The following ARIH1 variants were observed in gnomAD, a reference collection of about 807,000 sequenced individuals.
ARIH1 encodes E3 ubiquitin-protein ligase ARIH1.
ARIH1 carries 8 observed loss-of-function variants against 85.0 expected under a neutral mutation model. The observed-to-expected ratio is 0.09, with a 90% CI of 0.06 to 0.17. The LOEUF is 0.17. ARIH1 is among the 10% of genes least tolerant of loss of function. The probability of loss-of-function intolerance (pLI) is 1.00; values close to 1 mark genes in which losing one functional copy is unlikely to be tolerated. For synonymous variants in ARIH1, 238 were observed against 253.6 expected (o/e 0.94, Z 0.59); for missense variants, 311 against 718.1 (o/e 0.43, Z 6.48).
At chr15:72,547,993 T>A (rs571601746) in intron 3 of ARIH1, among the ~76,000 whole-genome samples, 123 of 152,370 alleles carry the variant, frequency 8.1e-4, no homozygotes, top group African/African-American at 2.9e-3. Context: ...TTTTGTTTTG[T>A]ACTTGTAACT....
rs1304813523 is a variant in ARIH1 at position 72,590,401 on chromosome 15, C to CT, written c.*7112dup. The CT allele has an allele frequency of 1.3e-5, 2 of 152,336 alleles. No homozygotes were observed. The highest frequency in any genetic ancestry group is 1.9e-4 in the East Asian group (1 of 5,188). 9.4% of individuals were successfully genotyped at this position (152,336 alleles called of 1,614,324 possible). The stretch of plus-strand genomic sequence containing the variant: ...GCTCATCTCTTCAAAACAGATGCCT[C>CT]TTTCGTTGGTGACCTCAGATACACT... On this transcript the variant is annotated 3_prime_UTR_variant, in exon 14 of 14. Transcript: ENST00000379887.
chr15:72,556,386 G>A (rs1307194119), intron 5 of ARIH1, among the ~76,000 whole-genome samples: 1 of 152,186 alleles, frequency 6.6e-6, no homozygotes, highest in Non-Finnish European at 1.5e-5. Flanking sequence ...TCAGTGCATA[G>A]ATTGCCCATA....
intron 7 of ARIH1, among the ~76,000 whole-genome samples, chr15:72,564,040 C>T (rs2064208529): frequency 6.6e-6 from 1 of 152,182 alleles, no homozygotes; most frequent in Admixed American, 6.5e-5. Context: ...ATGTCTTAAT[C>T]AGTTCAGGCT....
chr15:72,503,550 T>C (rs1454503836), intron 1 of ARIH1, among the ~76,000 whole-genome samples: 1 of 152,194 alleles, frequency 6.6e-6, no homozygotes, highest in South Asian at 2.1e-4. Flanking sequence ...ATTCCTCCAT[T>C]CTTTCCCGTA....
rs1230464282 is a variant in ARIH1 at position 72,593,651 on chromosome 15, G to C, written c.*10359G>C. 1 of 152,114 alleles carries C rather than the reference G, an allele frequency of 6.6e-6. No homozygotes were observed. Among genetic ancestry groups the C allele is most frequent in the Admixed American group, 6.6e-5 (1 of 15,264 alleles). The allele number at this position is 152,114 out of a possible 1,614,324, so 9.4% of individuals were successfully genotyped here. A position where few individuals can be genotyped will look rare whatever the true frequency, so the allele number is the denominator to read the frequency against. On this transcript the variant is annotated 3_prime_UTR_variant, in exon 14 of 14. Coordinates refer to ENST00000379887, the MANE Select transcript of ARIH1 (RefSeq NM_005744.5). ...GTGTGTGTGTATTTCTACATTTTCTGTTCTGTTCCATTAATCTATTTGTGT... is the reference window on the plus strand; with the variant it reads ...GTGTGTGTGTATTTCTACATTTTCTCTTCTGTTCCATTAATCTATTTGTGT...
chr15:72,596,583 A>G lies in ARIH1; in HGVS notation c.*13291A>G, dbSNP rs1029185138. ...TTCTTTGGAGATTCTAGTTACATGT[A>G]TATTAGATGATTTGATATAAACCTA... is the stretch of plus-strand genomic sequence containing the variant. On this transcript the variant is annotated 3_prime_UTR_variant, in exon 14 of 14. Transcript: ENST00000379887. 1.3e-5 allele frequency: 2 copies of G among 152,104 alleles called. No individual in the cohort carries two copies. Among genetic ancestry groups the G allele is most frequent in the Non-Finnish European group, 1.5e-5 (1 of 68,010 alleles). The allele number at this position is 152,104 out of a possible 1,614,324, so 9.4% of individuals were successfully genotyped here. A position where few individuals can be genotyped will look rare whatever the true frequency, so the allele number is the denominator to read the frequency against.
intron 1 of ARIH1, chr15:72,496,835 G>A (rs1281869232): frequency 2.0e-6 from 2 of 985,338 alleles, no homozygotes. Flanking sequence ...TGATGCAAAG[G>A]ACAGGCGGGC....
intron 1 of ARIH1, among the ~76,000 whole-genome samples, chr15:72,513,875 C>T (rs1201021320): frequency 7.4e-6 from 1 of 135,532 alleles, no homozygotes; most frequent in African/African-American, 2.8e-5. Context: ...CCCTCTACCC[C>T]CCGCCCCGCC....
intron 12 of ARIH1, 55 bp downstream of exon 12, chr15:72,581,046 A>T (rs2064293143): frequency 7.1e-6 from 11 of 1,541,224 alleles, no homozygotes; most frequent in Non-Finnish European, 8.8e-6. Flanking sequence ...GGTCTACCTG[A>T]TCTTTCATAT....
intron 2 of ARIH1, among the ~76,000 whole-genome samples, chr15:72,526,493 G>A (rs2064029029): frequency 6.6e-6 from 1 of 152,176 alleles, no homozygotes; most frequent in Non-Finnish European, 1.5e-5. Context: ...GACTCAGGAG[G>A]CTTAGGTTGG....
intron 2 of ARIH1, among the ~76,000 whole-genome samples, chr15:72,522,505 G>A (rs2064004819): frequency 2.0e-5 from 3 of 152,056 alleles, no homozygotes; most frequent in African/African-American, 7.2e-5. Flanking sequence ...GGGCAACAGA[G>A]TGAGACTCTG....
chr15:72,500,826 A>C (rs1595853855), intron 1 of ARIH1, among the ~76,000 whole-genome samples: 1 of 152,230 alleles, frequency 6.6e-6, no homozygotes, highest in East Asian at 1.9e-4. Context: ...AGAAATCAGT[A>C]GTGACTGAAG....
intron 11 of ARIH1, among the ~76,000 whole-genome samples, chr15:72,575,983 A>G (rs1208941735): frequency 6.6e-6 from 1 of 152,140 alleles, no homozygotes; most frequent in East Asian, 1.9e-4. Context: ...AGCTGGAACT[A>G]GAGGCAGCTT....
intron 1 of ARIH1, among the ~76,000 whole-genome samples, chr15:72,515,085 G>A (rs1373618895): frequency 1.3e-5 from 2 of 151,674 alleles, no homozygotes; most frequent in East Asian, 2.0e-4. Context: ...CCTGTAATCC[G>A]AGCACTTTGG....
At chr15:72,550,758 G>A (rs1431132259) in intron 3 of ARIH1, among the ~76,000 whole-genome samples, 2 of 150,660 alleles carry the variant, frequency 1.3e-5, no homozygotes, top group Non-Finnish European at 3.0e-5. Context: ...TGCAACCTCC[G>A]CCTCCCGGGT....
chr15:72,489,247 CAAAAAA>C (rs3028452), intron 1 of ARIH1, among the ~76,000 whole-genome samples: 1 of 84,068 alleles, frequency 1.2e-5, no homozygotes, highest in Non-Finnish European at 2.1e-5. Context: ...GACCATGTCT[CAAAAAA>C]AAAAAAAAAA....
At chr15:72,570,580 G>A (rs561367912) in intron 10 of ARIH1, among the ~76,000 whole-genome samples, 1 of 152,296 alleles carries the variant, frequency 6.6e-6, no homozygotes, top group East Asian at 1.9e-4. Flanking sequence ...GTTGCAACAT[G>A]AGCAAAGGTA....
chr15:72,583,168 G>A (rs1209059528), intron 13 of ARIH1, 40 bp from the exon 14 acceptor site: 3 of 1,485,434 alleles, frequency 2.0e-6, no homozygotes, highest in Non-Finnish European at 2.8e-6. Flanking sequence ...TATTATTAGA[G>A]GCTGACAACA....
intron 1 of ARIH1, among the ~76,000 whole-genome samples, chr15:72,507,199 A>G (rs1281339129): frequency 6.6e-6 from 1 of 151,846 alleles, no homozygotes; most frequent in Non-Finnish European, 1.5e-5. Context: ...ATATTTGTAT[A>G]TTTTTGGTAG....
Sources: allele counts gnomAD v4.1 joint callset (sites outside exome capture counted in the v4.1 genomes callset), GRCh38; gene constraint gnomAD v4.1.1; transcripts MANE v1.5; gene names NCBI Gene and HGNC (gene_info 2026-07-23, HGNC 2026-07-21).